The following NEK11 variants were observed in gnomAD, a reference collection of about 807,000 sequenced individuals.
NEK11 encodes the protein NIMA related kinase 11.
A neutral mutation model predicts 80.7 loss-of-function variants in NEK11; 72 were observed. The ratio of observed to expected loss-of-function variants is 0.89; its 90% CI spans 0.74 to 1.08. NEK11 has a LOEUF of 1.08. Ranked by LOEUF, NEK11 falls within the 50% of genes least tolerant of loss-of-function variation. The pLI is 0.00. For synonymous variants in NEK11, 251 were observed against 260.7 expected, an observed-to-expected ratio of 0.96 and a Z score of 0.36; for missense variants, 764 against 763.6, an observed-to-expected ratio of 1.00 and a Z score of -0.01.
chr3:131,115,023 A>G (rs761015058), intron 5 of NEK11, among the ~76,000 whole-genome samples: 93 of 152,304 alleles, frequency 6.1e-4, no homozygotes, highest in Admixed American at 1.5e-3. Flanking sequence ...AGAATTACAC[A>G]TTGTTTACAG....
intron 2 of NEK11, among the ~76,000 whole-genome samples, chr3:131,029,044 T>C (rs2064382459): frequency 1.3e-5 from 2 of 152,268 alleles, no homozygotes; most frequent in South Asian, 4.1e-4. Context: ...AACTAGAATT[T>C]GCTGAGCATG....
chr3:131,113,950 A>G (rs1578452862), intron 5 of NEK11, among the ~76,000 whole-genome samples: 1 of 151,000 alleles, frequency 6.6e-6, no homozygotes, highest in African/African-American at 2.4e-5. Context: ...CTTAAATATA[A>G]CTATTGTTTT....
intron 17 of NEK11, among the ~76,000 whole-genome samples, chr3:131,295,918 C>A (rs1248788603): frequency 6.6e-6 from 1 of 152,160 alleles, no homozygotes; most frequent in Non-Finnish European, 1.5e-5. Flanking sequence ...CATTTCACTG[C>A]AGCCCTGACC....
chr3:131,161,982 G>T (rs1397871600), intron 10 of NEK11, among the ~76,000 whole-genome samples: 1 of 152,168 alleles, frequency 6.6e-6, no homozygotes, highest in African/African-American at 2.4e-5. Context: ...GAGATTCAGG[G>T]AGGTTCAGTT....
At chr3:131,238,052 C>T (rs1229225525) in intron 15 of NEK11, among the ~76,000 whole-genome samples, 1 of 152,164 alleles carries the variant, frequency 6.6e-6, no homozygotes, top group African/African-American at 2.4e-5. Context: ...CTCCACCCTT[C>T]CAGTTTCTGG....
intron 14 of NEK11, among the ~76,000 whole-genome samples, chr3:131,187,189 A>G (rs894543087): frequency 1.3e-5 from 2 of 152,178 alleles, no homozygotes; most frequent in Non-Finnish European, 1.5e-5. Context: ...GTTAAATACA[A>G]TTAAAAATCT....
At chr3:131,141,082 C>G (rs955244831) in intron 7 of NEK11, among the ~76,000 whole-genome samples, 2 of 152,094 alleles carry the variant, frequency 1.3e-5, no homozygotes, top group Non-Finnish European at 2.9e-5. Flanking sequence ...ATTAGGGCTT[C>G]TCCTCCTACC....
At position 131,203,733 on chromosome 3, in the gene NEK11, A is replaced by ATG. The variant is rs1401014036; in HGVS notation, c.1400-24791_1400-24790dup. On this transcript the variant is annotated intron_variant, in intron 14 of 17. Coordinates refer to ENST00000383366, the MANE Select transcript of NEK11 (RefSeq NM_024800.5). Reference sequence around the variant, plus strand: ...ATATATGTATATTTGTATATTATATATGTGTATATATATATGTGTGTGTGT... The same window carrying ATG: ...ATATATGTATATTTGTATATTATATATGTGTGTATATATATATGTGTGTGTGT... 8.2e-3 allele frequency among the ~76,000 whole-genome samples: 1,036 copies of ATG among 127,040 alleles called. 31 individuals are homozygous for ATG. Among genetic ancestry groups the ATG allele is most frequent in the South Asian group, 0.014 (55 of 4,036 alleles). The allele number at this position is 127,040 out of a possible 152,430, so 83.3% of individuals were successfully genotyped here.
chr3:131,264,203 A>C (rs2108520273), intron 16 of NEK11, among the ~76,000 whole-genome samples: 1 of 152,226 alleles, frequency 6.6e-6, no homozygotes. Context: ...GCTGTGCAGA[A>C]GCTCTTTAGT....
intron 7 of NEK11, among the ~76,000 whole-genome samples, chr3:131,135,381 C>T (rs538816420): frequency 1.3e-5 from 2 of 152,260 alleles, no homozygotes; most frequent in South Asian, 4.1e-4. Context: ...TTAACTACCA[C>T]ATCCAAAAGA....
intron 7 of NEK11, among the ~76,000 whole-genome samples, chr3:131,141,267 T>C (rs1222567307): frequency 2.0e-5 from 3 of 152,130 alleles, no homozygotes; most frequent in Non-Finnish European, 4.4e-5. Context: ...CATATTCTGA[T>C]GTATAAAGCA....
intron 3 of NEK11, among the ~76,000 whole-genome samples, chr3:131,074,578 C>T (rs2074021031): frequency 6.6e-6 from 1 of 152,110 alleles, no homozygotes; most frequent in African/African-American, 2.4e-5. Flanking sequence ...TGCTGATTAA[C>T]TTTCATAGCC....
chr3:131,247,385 C>T (rs908818697), intron 16 of NEK11, among the ~76,000 whole-genome samples: 1 of 152,072 alleles, frequency 6.6e-6, no homozygotes, highest in Non-Finnish European at 1.5e-5. Context: ...TGTCCATTTC[C>T]TACTTTATGT....
rs2094397585 is a variant in NEK11, at chr3:131,204,902, A to G, written c.1400-23626A>G. ...AGCAGAATATTGATGGGGAGAGGGC[A>G]TTGAACCTTGTGACTTCAAGATTTT... On this transcript the variant is annotated intron_variant, in intron 14 of 17. Coordinates refer to ENST00000383366, the MANE Select transcript of NEK11 (RefSeq NM_024800.5). 2.0e-5 allele frequency among the ~76,000 whole-genome samples: 3 copies of G among 152,174 alleles called. No homozygotes were observed. In the South Asian group the frequency reaches 6.2e-4, roughly 32 times the overall value.
chr3:131,042,216 T>TG (rs1161102192), intron 3 of NEK11, among the ~76,000 whole-genome samples: 1 of 151,506 alleles, frequency 6.6e-6, no homozygotes, highest in Non-Finnish European at 1.5e-5. Flanking sequence ...TTTTTGTTTT[T>TG]TTTTTCCCTG....
intron 14 of NEK11, among the ~76,000 whole-genome samples, chr3:131,200,680 C>T (rs2094193385): frequency 6.6e-6 from 1 of 152,228 alleles, no homozygotes. Context: ...CACCAGATGC[C>T]TCAAGCCCCC....
chr3:131,234,750 G>A (rs1253023971), intron 15 of NEK11, among the ~76,000 whole-genome samples: 1 of 151,396 alleles, frequency 6.6e-6, no homozygotes, highest in African/African-American at 2.4e-5. Flanking sequence ...CCTTGCTGTG[G>A]AATACAGCAC....
chr3:131,115,974 C>CTTTCTTTCTTTCTT (rs2081132058), intron 5 of NEK11, among the ~76,000 whole-genome samples: 1 of 127,526 alleles, frequency 7.8e-6, no homozygotes, highest in Non-Finnish European at 1.7e-5. Flanking sequence ...TTCTTTCTTT[C>CTTTCTTTCTTTCTT]TTTCTTTCTT....
At chr3:131,242,544 A>G (rs1317398575) in intron 15 of NEK11, among the ~76,000 whole-genome samples, 1 of 152,136 alleles carries the variant, frequency 6.6e-6, no homozygotes, top group African/African-American at 2.4e-5. Flanking sequence ...ATGCTCCTGA[A>G]AGATGTTTTC....
Sources: allele counts gnomAD v4.1 joint callset (sites outside exome capture counted in the v4.1 genomes callset), GRCh38; gene constraint gnomAD v4.1.1; transcripts MANE v1.5; gene names NCBI Gene and HGNC (gene_info 2026-07-23, HGNC 2026-07-21).